LANCL1: variants seen among roughly 807,000 people sequenced by gnomAD.
LANCL1 encodes the protein glutathione S-transferase LANCL1.
LANCL1 carries 50 observed loss-of-function variants against 50.6 expected under a neutral mutation model. The ratio of observed to expected loss-of-function variants is 0.99; its 90% CI spans 0.79 to 1.25. The LOEUF (loss-of-function observed/expected upper bound fraction) is 1.25. Ranked by LOEUF, LANCL1 falls within the 50% of genes most tolerant of loss-of-function variation. The probability of loss-of-function intolerance (pLI) is 0.00; values close to 1 mark genes in which losing one functional copy is unlikely to be tolerated. For missense variants in LANCL1, 532 were observed against 480.7 expected, an observed-to-expected ratio of 1.11 and a Z score of -1.00; for synonymous variants, 188 against 178.6, an observed-to-expected ratio of 1.05 and a Z score of -0.42.
chr2:210,461,383 T>G (rs1693853443), intron 3 of LANCL1, among the ~76,000 whole-genome samples: 1 of 151,762 alleles, frequency 6.6e-6, no homozygotes, highest in Non-Finnish European at 1.5e-5. Flanking sequence ...ACTGAAATGC[T>G]GGCTCTGATG....
At chr2:210,451,406 GGCACGT>G (rs1166989612) in intron 4 of LANCL1, among the ~76,000 whole-genome samples, 3 of 152,086 alleles carry the variant, frequency 2.0e-5, no homozygotes, top group Non-Finnish European at 2.9e-5. Context: ...AAACCACCAT[GGCACGT>G]GTATACCTGT....
Position 210,476,666 on chromosome 2 carries a change from C to T in LANCL1, c.-63G>A. 1 of 1,231,764 alleles carries T rather than the reference C, an allele frequency of 8.1e-7. No homozygotes were observed. Among genetic ancestry groups the T allele is most frequent in the Non-Finnish European group, 1.0e-6 (1 of 983,006 alleles). 76.3% of individuals were successfully genotyped at this position (1,231,764 alleles called of 1,614,324 possible). ...TGCAACCCCGTTCCCACGCCCGCGA[C>T]TTGAAGCAAGTGCGCCTCCCGCGTC... is the stretch of plus-strand genomic sequence containing the variant. On this transcript the variant is annotated 5_prime_UTR_variant, in exon 1 of 10. Transcript: ENST00000450366.
At chr2:210,461,889 T>G (rs1285812907) in intron 3 of LANCL1, among the ~76,000 whole-genome samples, 1 of 152,206 alleles carries the variant, frequency 6.6e-6, no homozygotes, top group Admixed American at 6.5e-5. Context: ...TCCCTTGGGT[T>G]TACTTAACTT....
At position 210,432,965 on chromosome 2, in the gene LANCL1, A is replaced by G. The variant is rs2105877534; in HGVS notation, c.*1522T>C. On this transcript the variant is annotated 3_prime_UTR_variant, in exon 10 of 10. Coordinates refer to ENST00000450366, the MANE Select transcript of LANCL1 (RefSeq NM_006055.3). The stretch of plus-strand genomic sequence containing the variant: ...CTTTAAAAGGTCAGTTTCCAATAAT[A>G]TTAGCTCTTTTGGTGCTAAACAGGA... The G allele has an allele frequency of 6.5e-6, 1 of 152,706 alleles. No homozygotes were observed. Among genetic ancestry groups the G allele is most frequent in the African/African-American group, 2.4e-5 (1 of 41,562 alleles). The allele number at this position is 152,706 out of a possible 1,614,324, so 9.5% of individuals were successfully genotyped here. A position where few individuals can be genotyped will look rare whatever the true frequency, so the allele number is the denominator to read the frequency against.
At chr2:210,465,688 CA>C (rs1327020990) in intron 3 of LANCL1, among the ~76,000 whole-genome samples, 1 of 152,054 alleles carries the variant, frequency 6.6e-6, no homozygotes, top group East Asian at 1.9e-4. Flanking sequence ...TTAATGCCAG[CA>C]AGGGTTGGTT....
intron 3 of LANCL1, among the ~76,000 whole-genome samples, chr2:210,465,575 T>C (rs1281996411): frequency 1.3e-5 from 2 of 152,190 alleles, no homozygotes; most frequent in Admixed American, 1.3e-4. Flanking sequence ...CAGTACATAT[T>C]GAAAATGTAG....
intron 4 of LANCL1, among the ~76,000 whole-genome samples, chr2:210,447,182 G>A (rs1398058129): frequency 6.6e-6 from 1 of 152,222 alleles, no homozygotes; most frequent in Non-Finnish European, 1.5e-5. Context: ...CCAGAAGACA[G>A]TGGGGGCCAA....
intron 3 of LANCL1, among the ~76,000 whole-genome samples, chr2:210,457,547 C>CT (rs1693708679): frequency 1.3e-5 from 2 of 152,270 alleles, no homozygotes; most frequent in South Asian, 4.1e-4. Context: ...ACTTGTGGGC[C>CT]TGGCTTCAGT....
rs1335221965 is a variant in LANCL1 at position 210,432,566 on chromosome 2, T to C, written c.*1921A>G. 2 of 152,330 alleles carry C rather than the reference T, an allele frequency of 1.3e-5. No individual in the cohort carries two copies. Among genetic ancestry groups the C allele is most frequent in the Admixed American group, 6.5e-5 (1 of 15,304 alleles). 9.4% of individuals were successfully genotyped at this position (152,330 alleles called of 1,614,324 possible). The stretch of plus-strand genomic sequence containing the variant: ...GGGTTAAGCATTGCTATCACGATGC[T>C]TGGAGAACTGTGATCAAGTCTTCTC... On this transcript the variant is annotated 3_prime_UTR_variant, in exon 10 of 10. Coordinates refer to ENST00000450366, the MANE Select transcript of LANCL1 (RefSeq NM_006055.3).
rs780233523 is a variant in LANCL1, at chr2:210,437,866, G to A, written c.697C>T (p.Leu233Phe). 1.3e-6 allele frequency: 2 copies of A among 1,586,698 alleles called. No homozygotes were observed. The highest frequency in any genetic ancestry group is 1.4e-5 in the African/African-American group (1 of 73,850). ...GIYYYLMQPS[L>F]QVSQGKLHSL... ...TGTAACTTCCCTTGGCTCACTTGAAGGCTGGGCTAAAAATGAGAAGGAAAT... is the reference window on the plus strand; with the variant it reads ...TGTAACTTCCCTTGGCTCACTTGAAAGCTGGGCTAAAAATGAGAAGGAAAT... The change falls in exon 7 of 10, where the codon CTT becomes TTT. Residue 233 changes from leucine (L) to phenylalanine (F), a missense_variant. Transcript: ENST00000450366.
intron 3 of LANCL1, among the ~76,000 whole-genome samples, chr2:210,464,732 T>A (rs12477237): frequency 6.7e-6 from 1 of 149,284 alleles, no homozygotes. Flanking sequence ...TTTGGGAGGC[T>A]GAGGCGGGTG....
At chr2:210,463,554 C>T (rs924622256) in intron 3 of LANCL1, among the ~76,000 whole-genome samples, 1 of 152,238 alleles carries the variant, frequency 6.6e-6, no homozygotes, top group Non-Finnish European at 1.5e-5. Flanking sequence ...TGTCCTCCAA[C>T]AGTCAAATGA....
At chr2:210,439,666 C>A (rs1219012001) in intron 6 of LANCL1, among the ~76,000 whole-genome samples, 1 of 152,206 alleles carries the variant, frequency 6.6e-6, no homozygotes, top group Non-Finnish European at 1.5e-5. Flanking sequence ...TGTGACTCTG[C>A]ATTCAAAAAT....
chr2:210,469,822 T>C (rs371318913), intron 3 of LANCL1, among the ~76,000 whole-genome samples: 1 of 152,186 alleles, frequency 6.6e-6, no homozygotes, highest in East Asian at 1.9e-4. Context: ...CTTCCCAACA[T>C]TGTCAAACTT....
chr2:210,457,072 A>G (rs1693695106), intron 3 of LANCL1, among the ~76,000 whole-genome samples: 2 of 151,996 alleles, frequency 1.3e-5, no homozygotes, highest in Non-Finnish European at 2.9e-5. Context: ...GTTCTCCCCT[A>G]CCTCTCATTT....
At chr2:210,445,762 T>C (rs1280233289) in intron 4 of LANCL1, among the ~76,000 whole-genome samples, 3 of 152,210 alleles carry the variant, frequency 2.0e-5, no homozygotes, top group South Asian at 2.1e-4. Context: ...TTAGAAGAGA[T>C]AGCCAAGTCA....
chr2:210,454,079 T>A (rs949596724), intron 4 of LANCL1, among the ~76,000 whole-genome samples: 2 of 152,176 alleles, frequency 1.3e-5, no homozygotes, highest in Non-Finnish European at 2.9e-5. Flanking sequence ...TGATCCAATA[T>A]AATGATTCCC....
intron 4 of LANCL1, among the ~76,000 whole-genome samples, chr2:210,446,057 C>T (rs944231735): frequency 3.3e-5 from 5 of 152,174 alleles, no homozygotes; most frequent in African/African-American, 7.2e-5. Flanking sequence ...AACATTCCTG[C>T]GTGCCGGCTC....
upstream of LANCL1, among the ~76,000 whole-genome samples, chr2:210,477,151 A>T (rs1051978860): frequency 1.3e-5 from 2 of 152,018 alleles, no homozygotes; most frequent in African/African-American, 2.4e-5. Context: ...TCATTTCTTA[A>T]AACAAACAAA....
Sources: allele counts gnomAD v4.1 joint callset (sites outside exome capture counted in the v4.1 genomes callset), GRCh38; gene constraint gnomAD v4.1.1; transcripts MANE v1.5; gene names NCBI Gene and HGNC (gene_info 2026-07-23, HGNC 2026-07-21).